Variants in PTPRM observed in about 807,000 individuals in gnomAD.
The protein encoded by PTPRM is receptor-type tyrosine-protein phosphatase mu.
Under a neutral mutation model 186.7 loss-of-function variants are expected in PTPRM, and 47 were observed. That is an observed-to-expected ratio of 0.25 (90% CI 0.20 to 0.32). The LOEUF is 0.32. PTPRM is among the 10% of genes least tolerant of loss of function. The probability of loss-of-function intolerance (pLI) is 1.00; values close to 1 mark genes in which losing one functional copy is unlikely to be tolerated. For missense variants in PTPRM, 1,494 were observed against 1,865.0 expected, an observed-to-expected ratio of 0.80 and a Z score of 3.66; for synonymous variants, 668 against 674.9, an observed-to-expected ratio of 0.99 and a Z score of 0.16.
rs1399304717 is a variant in PTPRM at position 8,240,497 on chromosome 18, GAGAGGA to G, written c.2301-3558_2301-3553del. Among the ~76,000 whole-genome samples the G allele has an allele frequency of 2.2e-3, 156 of 71,508 alleles. 1 individual carries two copies. The highest frequency in any genetic ancestry group is 2.9e-3 in the Non-Finnish European group (107 of 36,274). 46.9% of individuals were successfully genotyped at this position (71,508 alleles called of 152,430 possible). A position where few individuals can be genotyped will look rare whatever the true frequency, so the allele number is the denominator to read the frequency against. ...AGGGAGGGGAGGAGAGAGAGAGAGA[GAGAGGA>G]AGGAAGGAAGGAAGGAAGGAAGGAA... On this transcript the variant is annotated intron_variant, in intron 14 of 32. Transcript: ENST00000580170.
chr18:7,633,426 T>C (rs1325337272), intron 1 of PTPRM, among the ~76,000 whole-genome samples: 1 of 152,206 alleles, frequency 6.6e-6, no homozygotes, highest in Non-Finnish European at 1.5e-5. Context: ...ACATCCTTTC[T>C]GGTTTCTTCA....
At chr18:8,032,979 T>C (rs2086086066) in intron 7 of PTPRM, among the ~76,000 whole-genome samples, 1 of 152,148 alleles carries the variant, frequency 6.6e-6, no homozygotes, top group Non-Finnish European at 1.5e-5. Context: ...TTTTGAGCAT[T>C]GAAAAGCCTG....
intron 1 of PTPRM, among the ~76,000 whole-genome samples, chr18:7,696,269 T>C (rs943755432): frequency 6.6e-6 from 1 of 152,222 alleles, no homozygotes. Flanking sequence ...GGAAATCTTT[T>C]TGCAAATTAG....
chr18:8,352,760 C>T (rs1477588602), intron 23 of PTPRM, among the ~76,000 whole-genome samples: 6 of 151,848 alleles, frequency 4.0e-5, no homozygotes, highest in African/African-American at 7.3e-5. Context: ...CAACCTCCGC[C>T]TCCTGGGTTC....
intron 19 of PTPRM, among the ~76,000 whole-genome samples, chr18:8,293,151 G>A (rs891356053): frequency 4.6e-5 from 7 of 152,062 alleles, no homozygotes; most frequent in African/African-American, 1.4e-4. Flanking sequence ...ATAAAACTTG[G>A]GCCCCATCTG....
At chr18:7,748,301 G>T (rs751261439) in intron 1 of PTPRM, among the ~76,000 whole-genome samples, 30 of 152,206 alleles carry the variant, frequency 2.0e-4, no homozygotes, top group Non-Finnish European at 3.7e-4. Context: ...AGTTACATGT[G>T]GCTAGTAGCC....
chr18:7,934,445 A>G (rs930635926), intron 5 of PTPRM, among the ~76,000 whole-genome samples: 2 of 152,230 alleles, frequency 1.3e-5, no homozygotes, highest in Admixed American at 6.5e-5. Context: ...GATAATTTTA[A>G]AACTTTTTCT....
intron 14 of PTPRM, among the ~76,000 whole-genome samples, chr18:8,167,217 T>C (rs1008045929): frequency 6.6e-6 from 1 of 152,248 alleles, no homozygotes; most frequent in African/African-American, 2.4e-5. Context: ...ATGGTATGTG[T>C]GCATGTTGTA....
intron 14 of PTPRM, among the ~76,000 whole-genome samples, chr18:8,233,509 T>A (rs1009483712): frequency 6.6e-6 from 1 of 152,200 alleles, no homozygotes; most frequent in Non-Finnish European, 1.5e-5. Flanking sequence ...TCCCATTGTT[T>A]GTGTTCTTAT....
chr18:7,936,448 G>A (rs73381813), intron 5 of PTPRM, among the ~76,000 whole-genome samples: 246 of 152,308 alleles, frequency 1.6e-3, no homozygotes, highest in African/African-American at 5.6e-3. Flanking sequence ...AGGTGCTGTC[G>A]CAACCCAGCC....
At chr18:8,152,808 C>G (rs1407813744) in intron 14 of PTPRM, among the ~76,000 whole-genome samples, 3 of 149,846 alleles carry the variant, frequency 2.0e-5, no homozygotes, top group African/African-American at 7.4e-5. Flanking sequence ...ACCTCCGCCT[C>G]CTGGGTTCAA....
chr18:7,630,040 T>C (rs948911668), intron 1 of PTPRM, among the ~76,000 whole-genome samples: 2 of 152,032 alleles, frequency 1.3e-5, no homozygotes, highest in African/African-American at 4.8e-5. Flanking sequence ...TGCCATTTAC[T>C]CACCCAGGGA....
chr18:7,570,312 C>A (rs1294465661), intron 1 of PTPRM, among the ~76,000 whole-genome samples: 2 of 152,086 alleles, frequency 1.3e-5, no homozygotes, highest in Non-Finnish European at 2.9e-5. Flanking sequence ...TGACACATTT[C>A]TTTTTTATGT....
intron 7 of PTPRM, among the ~76,000 whole-genome samples, chr18:8,004,331 T>C (rs1057215388): frequency 6.6e-5 from 10 of 152,138 alleles, no homozygotes; most frequent in African/African-American, 2.4e-4. Flanking sequence ...GTAAATTGTG[T>C]GTGTGTGCCA....
At chr18:8,075,760 A>T (rs899104495) in intron 8 of PTPRM, among the ~76,000 whole-genome samples, 5 of 152,104 alleles carry the variant, frequency 3.3e-5, no homozygotes, top group African/African-American at 1.2e-4. Flanking sequence ...TTTCATCTAT[A>T]TCAACTTCTA....
At chr18:7,576,931 T>A (rs2036702661) in intron 1 of PTPRM, among the ~76,000 whole-genome samples, 1 of 152,252 alleles carries the variant, frequency 6.6e-6, no homozygotes, top group South Asian at 2.1e-4. Context: ...AAAGCATTCC[T>A]TTTAACATAC....
intron 14 of PTPRM, among the ~76,000 whole-genome samples, chr18:8,217,626 C>T (rs184703456): frequency 5.3e-5 from 8 of 152,248 alleles, no homozygotes; most frequent in Non-Finnish European, 7.4e-5. Context: ...TAACTCCTTC[C>T]GCAGGCTGGC....
intron 17 of PTPRM, among the ~76,000 whole-genome samples, chr18:8,248,709 AC>A (rs1012312771): frequency 1.3e-5 from 2 of 151,908 alleles, no homozygotes; most frequent in African/African-American, 4.8e-5. Context: ...CACTCAGGGC[AC>A]CCCACCCCCC....
intron 7 of PTPRM, among the ~76,000 whole-genome samples, chr18:7,996,180 T>C (rs2083523852): frequency 6.7e-6 from 1 of 150,352 alleles, no homozygotes; most frequent in African/African-American, 2.5e-5. Context: ...TTCCTTTCTT[T>C]CTTAAAAAAA....
Sources: gnomAD v4.1 joint callset for allele counts (sites outside exome capture counted in the v4.1 genomes callset) on GRCh38, gnomAD v4.1.1 for gene constraint, MANE v1.5 for transcripts, NCBI Gene and HGNC (gene_info 2026-07-23, HGNC 2026-07-21) for gene names.